The following INTS6L variants were observed in gnomAD, a reference collection of about 807,000 sequenced individuals.
INTS6L encodes the protein integrator complex subunit 6-like.
INTS6L carries 18 observed loss-of-function variants against 64.7 expected under a neutral mutation model. The ratio of observed to expected loss-of-function variants is 0.28; its 90% CI spans 0.19 to 0.41. The LOEUF is 0.41. Ranked by LOEUF, INTS6L falls within the 10% of genes least tolerant of loss-of-function variation. The pLI is 1.00. For missense variants in INTS6L, 533 were observed against 661.0 expected, an observed-to-expected ratio of 0.81 and a Z score of 2.12; for synonymous variants, 227 against 235.9, an observed-to-expected ratio of 0.96 and a Z score of 0.34.
intron 9 of INTS6L, among the ~76,000 whole-genome samples, chrX:135,557,792 G>A (rs782437139): frequency 8.9e-6 from 1 of 112,000 alleles, no homozygotes; most frequent in South Asian, 3.7e-4. Flanking sequence ...CTAGACACAT[G>A]GGACTATATC....
rs2086448180 is a variant in INTS6L at position 135,549,663 on chromosome X, G to A, written c.764G>A (p.Arg255Lys). 8.3e-7 allele frequency: 1 copy of A among 1,211,499 alleles called. No individual in the cohort carries two copies. The highest frequency in any genetic ancestry group is 1.7e-5 in the African/African-American group (1 of 57,829). The change falls in exon 7 of 18, where the codon AGG (arginine) becomes AAG (lysine). Residue 255 changes from arginine (R) to lysine (K), a missense_variant. Arg to Lys is a conservative substitution (Grantham distance 26). Transcript: ENST00000639893. ...IGEDGLMDSS[R>K]PSNSFAAQPW... Reference sequence around the variant, plus strand: ...TTAGATGGACTTATGGATTCATCCAGGCCAAGCAATTCATTTGCTGCTCAG... The same window carrying A: ...TTAGATGGACTTATGGATTCATCCAAGCCAAGCAATTCATTTGCTGCTCAG...
At chrX:135,548,891 G>C (rs990719629) in intron 6 of INTS6L, among the ~76,000 whole-genome samples, 2 of 111,891 alleles carry the variant, frequency 1.8e-5, no homozygotes, top group Non-Finnish European at 3.8e-5. Flanking sequence ...TTGAGGCGGG[G>C]GGAGAAGGAG....
chrX:135,543,499 C>T (rs186375336), intron 2 of INTS6L, among the ~76,000 whole-genome samples: 4 of 111,730 alleles, frequency 3.6e-5, no homozygotes, highest in African/African-American at 1.3e-4. Flanking sequence ...AGAAGCCTTC[C>T]CTCACTCTCT....
chrX:135,547,230 A>T lies in INTS6L; in HGVS notation c.707A>T (p.Glu236Val). The T allele has an allele frequency of 8.3e-7, 1 of 1,210,123 alleles. No homozygotes were observed. The highest frequency in any genetic ancestry group is 1.1e-6 in the Non-Finnish European group (1 of 894,809). Residue 236 changes from glutamate to valine, a missense_variant, in exon 6 of 18, where the codon GAA becomes GTA. Glu to Val is a moderately radical substitution (Grantham distance 121, BLOSUM62 -2). Transcript: ENST00000639893. Reference sequence around the variant, plus strand: ...CAGAGTGGTGTAGTTATTAATTTTGAAAAAACAGGACCAGATCCACTTCCT... The same window carrying T: ...CAGAGTGGTGTAGTTATTAATTTTGTAAAAACAGGACCAGATCCACTTCCT... ...KVQSGVVINF[E>V]KTGPDPLPIG...
intron 14 of INTS6L, among the ~76,000 whole-genome samples, chrX:135,576,289 C>T (rs1038625655): frequency 2.0e-5 from 2 of 99,131 alleles, no homozygotes; most frequent in African/African-American, 7.5e-5. Flanking sequence ...GATCGTACCA[C>T]TGCGCTCCAG....
Position 135,520,743 on chromosome X carries a change from G to C in INTS6L, c.-250G>C. 2.7e-6 allele frequency: 1 copy of C among 371,760 alleles called. No individual in the cohort carries two copies. Among genetic ancestry groups the C allele is most frequent in the Non-Finnish European group, 4.7e-6 (1 of 212,898 alleles). The allele number at this position is 371,760 out of a possible 1,213,427, so 30.6% of individuals were successfully genotyped here. ...CGGCAGTAGTGGTGGCAGCAGAAGA[G>C]AGGAAGGGGGAGGGCCCCGAGGGCT... On this transcript the variant is annotated 5_prime_UTR_variant, in exon 1 of 18. Coordinates refer to ENST00000639893, the MANE Select transcript of INTS6L (RefSeq NM_001351601.3).
At chrX:135,530,487 G>A (rs2085878201) in intron 2 of INTS6L, among the ~76,000 whole-genome samples, 1 of 111,990 alleles carries the variant, frequency 8.9e-6, no homozygotes, top group Non-Finnish European at 1.9e-5. Flanking sequence ...AAACTGATAT[G>A]CCGTCTTCAC....
chrX:135,542,921 G>GC lies in INTS6L; in HGVS notation c.190-2500dup, dbSNP rs781903622. ...GCCCACCATTTACAAGTTTGCCAAA[G>GC]CCAGAAACTTCAACATAATGCATGA... On this transcript the variant is annotated intron_variant, in intron 2 of 17. Coordinates refer to ENST00000639893, the MANE Select transcript of INTS6L (RefSeq NM_001351601.3). 1.3e-4 allele frequency among the ~76,000 whole-genome samples: 14 copies of GC among 111,843 alleles called. No homozygotes were observed. The South Asian group carries it at 2.3e-3, about 18-fold the overall frequency.
chrX:135,578,526 C>G (rs1458641370), intron 15 of INTS6L, among the ~76,000 whole-genome samples: 1 of 111,810 alleles, frequency 8.9e-6, no homozygotes, highest in Non-Finnish European at 1.9e-5. Context: ...AGCTGTCAAC[C>G]TGAGGTCATT....
intron 7 of INTS6L, among the ~76,000 whole-genome samples, chrX:135,551,066 T>C: frequency 8.9e-6 from 1 of 112,509 alleles, no homozygotes; most frequent in Non-Finnish European, 1.9e-5. Flanking sequence ...TTAAGAGCTA[T>C]TTTTCTCAAC....
chrX:135,521,236 C>T lies in INTS6L; in HGVS notation c.112-5C>T, dbSNP rs782153721. On this transcript the variant is annotated splice_polypyrimidine_tract_variant and splice_region_variant and intron_variant, in intron 1 of 17. Transcript: ENST00000639893. ...CGACCCCCTCCGTCATCCCTTGCCCCGCAGCTGCGCGCCCGGGACCCGGCC... is the reference window on the plus strand; with the variant it reads ...CGACCCCCTCCGTCATCCCTTGCCCTGCAGCTGCGCGCCCGGGACCCGGCC... 2.5e-6 allele frequency: 3 copies of T among 1,206,368 alleles called. No homozygotes were observed.
At position 135,556,279 on chromosome X, in the gene INTS6L, C is replaced by A; in HGVS notation, c.1171C>A (p.Pro391Thr). 1.7e-6 allele frequency: 2 copies of A among 1,182,854 alleles called. No individual in the cohort carries two copies. Among genetic ancestry groups the A allele is most frequent in the Non-Finnish European group, 2.3e-6 (2 of 883,608 alleles). Residue 391 changes from proline (P) to threonine (T), a missense_variant, in exon 9 of 18, where the codon CCA (proline) becomes ACA (threonine). Transcript: ENST00000639893. ...CCTCTTTGTGATGCCTTACAACTAC[C>A]CAGTTTTACTTCCTCTTTTAGGTAA... ...VNLFVMPYNY[P>T]VLLPLLDDLF... is the part of the protein sequence containing the mutation.
intron 2 of INTS6L, among the ~76,000 whole-genome samples, chrX:135,539,218 A>G (rs2086131081): frequency 8.9e-6 from 1 of 112,572 alleles, no homozygotes. Flanking sequence ...TCTGTTGTTT[A>G]GTGTAGCCAA....
intron 9 of INTS6L, among the ~76,000 whole-genome samples, chrX:135,557,297 T>C (rs1192067156): frequency 8.9e-6 from 1 of 111,922 alleles, no homozygotes; most frequent in Admixed American, 9.5e-5. Context: ...TCTTTATGAC[T>C]TCAGTTTCCA....
intron 9 of INTS6L, among the ~76,000 whole-genome samples, chrX:135,566,356 A>G (rs1458305718): frequency 3.6e-5 from 4 of 112,175 alleles, no homozygotes; most frequent in African/African-American, 1.3e-4. Flanking sequence ...ACATTATCTT[A>G]GTAGCTCTCG....
Position 135,575,241 on chromosome X carries a change from C to A in INTS6L, c.1884+15C>A. 1 of 1,188,095 alleles carries A rather than the reference C, an allele frequency of 8.4e-7. No homozygotes were observed. The highest frequency in any genetic ancestry group is 1.1e-6 in the Non-Finnish European group (1 of 885,079). On this transcript the variant is annotated intron_variant, in intron 14 of 17. Coordinates refer to ENST00000639893, the MANE Select transcript of INTS6L (RefSeq NM_001351601.3). ...AAGATAAGAAGGTAGGATACCTATGCCTATGTCTGCCTAAATTGGGATATT... is the reference window on the plus strand; with the variant it reads ...AAGATAAGAAGGTAGGATACCTATGACTATGTCTGCCTAAATTGGGATATT...
At chrX:135,538,666 T>C (rs1224697735) in intron 2 of INTS6L, among the ~76,000 whole-genome samples, 2 of 112,482 alleles carry the variant, frequency 1.8e-5, no homozygotes, top group Non-Finnish European at 3.8e-5. Flanking sequence ...CTATGGCAGC[T>C]ATAGCCCTAC....
chrX:135,522,063 C>T (rs2085592730), intron 2 of INTS6L, among the ~76,000 whole-genome samples: 1 of 111,463 alleles, frequency 9.0e-6, no homozygotes, highest in Non-Finnish European at 1.9e-5. Flanking sequence ...TCTCCCCACC[C>T]CCAGACCCGG....
chrX:135,556,560 G>A (rs1196815448), intron 9 of INTS6L, among the ~76,000 whole-genome samples: 8 of 111,557 alleles, frequency 7.2e-5, no homozygotes, highest in Non-Finnish European at 1.3e-4. Flanking sequence ...CCAATCCCCA[G>A]TTTGAAGTGC....
Sources: allele counts gnomAD v4.1 joint callset (sites outside exome capture counted in the v4.1 genomes callset), GRCh38; gene constraint gnomAD v4.1.1; transcripts MANE v1.5; gene names NCBI Gene and HGNC (gene_info 2026-07-23, HGNC 2026-07-21).